Variants in NGFR observed in about 807,000 individuals in gnomAD.
The protein encoded by NGFR is nerve growth factor receptor, also known as tumor necrosis factor receptor superfamily member 16.
Under a neutral mutation model 43.2 loss-of-function variants are expected in NGFR, and 30 were observed. The observed-to-expected ratio is 0.69, with a 90% CI of 0.52 to 0.94. The LOEUF (loss-of-function observed/expected upper bound fraction) is 0.94, where lower values mean the gene tolerates loss of function less well. Ranked by LOEUF, NGFR falls within the 40% of genes least tolerant of loss-of-function variation. The pLI is 0.00. For missense variants in NGFR, 529 were observed against 602.5 expected, an observed-to-expected ratio of 0.88 and a Z score of 1.28; for synonymous variants, 246 against 259.6, an observed-to-expected ratio of 0.95 and a Z score of 0.50.
intron 1 of NGFR, 65 bp from the exon 2 acceptor site, chr17:49,501,998 G>T: frequency 2.0e-6 from 1 of 508,524 alleles, no homozygotes; most frequent in Non-Finnish European, 3.6e-6. Flanking sequence ...TTCCCCGGAA[G>T]AACCCCCCCC....
chr17:49,509,154 A>G (rs1004777359), intron 3 of NGFR, among the ~76,000 whole-genome samples: 2 of 152,188 alleles, frequency 1.3e-5, no homozygotes, highest in African/African-American at 4.8e-5. Flanking sequence ...TGGCAGCCAG[A>G]TGGATTCTAG....
At chr17:49,508,552 C>G (rs11466142) in intron 3 of NGFR, among the ~76,000 whole-genome samples, 3 of 152,172 alleles carry the variant, frequency 2.0e-5, no homozygotes, top group Admixed American at 6.5e-5. Flanking sequence ...ATACTTTCCC[C>G]GCATTTACTT....
chr17:49,500,301 G>A lies in NGFR; in HGVS notation c.67-1762G>A, dbSNP rs142804572. Reference sequence around the variant, plus strand: ...CTGGAATCTCGGCTAACCAACAGTCGCTCTCCCAGAGTTCTGGTTAATTGA... The same window carrying A: ...CTGGAATCTCGGCTAACCAACAGTCACTCTCCCAGAGTTCTGGTTAATTGA... On this transcript the variant is annotated intron_variant, in intron 1 of 5. Transcript: ENST00000172229. Among the ~76,000 whole-genome samples the A allele has an allele frequency of 2.9e-3, 447 of 152,230 alleles. 5 individuals carry two copies. The highest frequency in any genetic ancestry group is 0.01 in the African/African-American group (433 of 41,532).
intron 2 of NGFR, among the ~76,000 whole-genome samples, chr17:49,503,357 C>A (rs906875555): frequency 3.3e-5 from 5 of 152,192 alleles, no homozygotes; most frequent in African/African-American, 9.7e-5. Flanking sequence ...CTGATCGGTG[C>A]CCCCAGTCCT....
intron 2 of NGFR, chr17:49,506,073 G>T: frequency 1.3e-6 from 1 of 794,918 alleles, no homozygotes; most frequent in Non-Finnish European, 1.8e-6. Context: ...AGTGCTTCTG[G>T]AGCCTGGAGG....
chr17:49,501,999 A>ATGGGCCCCCCC, intron 1 of NGFR, 64 bp from the exon 2 acceptor site: 3 of 330,982 alleles, frequency 9.1e-6, no homozygotes, highest in African/African-American at 2.2e-5. Context: ...TCCCCGGAAG[A>ATGGGCCCCCCC]ACCCCCCCCA....
rs770178829 is a variant in NGFR, at chr17:49,511,857, C to T, written c.822-35C>T. On this transcript the variant is annotated intron_variant, in intron 4 of 5. Transcript: ENST00000172229. ...AGCTGCATCGGCCACTACAGCCCCT[C>T]GCCCCCTGAAACCTGGCCTGTCCTC... The T allele has an allele frequency of 1.7e-5, 27 of 1,543,096 alleles. No individual in the cohort carries two copies. The South Asian group carries it at 2.0e-4, about 11-fold the overall frequency.
chr17:49,509,963 G>C (rs952808400), intron 3 of NGFR, among the ~76,000 whole-genome samples: 1 of 152,156 alleles, frequency 6.6e-6, no homozygotes, highest in African/African-American at 2.4e-5. Flanking sequence ...GCTGGGGCCA[G>C]AGAGACATTT....
At chr17:49,502,814 T>TCC (rs1379785741) in intron 2 of NGFR, among the ~76,000 whole-genome samples, 17 of 142,914 alleles carry the variant, frequency 1.2e-4, no homozygotes, top group Middle Eastern at 3.5e-3. Context: ...TGCCTGGGAT[T>TCC]TCTTCCTTCC....
intron 1 of NGFR, among the ~76,000 whole-genome samples, chr17:49,499,724 A>T (rs898016367): frequency 1.3e-5 from 2 of 152,112 alleles, no homozygotes; most frequent in Middle Eastern, 3.2e-3. Flanking sequence ...AGTAGCTGAG[A>T]CTACAGGCGC....
chr17:49,506,422 A>G lies in NGFR; in HGVS notation c.332A>G (p.Tyr111Cys). The change falls in exon 3 of 6, where the codon TAC (tyrosine) becomes TGC (cysteine). Residue 111 changes from tyrosine to cysteine, a missense_variant. Transcript: ENST00000172229. ...GACGACGCCGTGTGCCGCTGCGCCTACGGCTACTACCAGGATGAGACGACT... is the reference window on the plus strand; with the variant it reads ...GACGACGCCGTGTGCCGCTGCGCCTGCGGCTACTACCAGGATGAGACGACT... Reference protein sequence around the residue: ...EADDAVCRCAYGYYQDETTGR... With the variant: ...EADDAVCRCACGYYQDETTGR... 7 of 1,606,132 alleles carry G rather than the reference A, an allele frequency of 4.4e-6. No homozygotes were observed. The South Asian group carries it at 4.4e-5, about 10-fold the overall frequency.
intron 1 of NGFR, chr17:49,497,679 C>T (rs1567737284): frequency 1.3e-5 from 2 of 152,372 alleles, no homozygotes; most frequent in Non-Finnish European, 2.9e-5. Context: ...AACCAGAGCG[C>T]GTCCCGGCGG....
rs2071238909 is a variant in NGFR at position 49,512,347 on chromosome 17, C to T, written c.982+295C>T. 6.6e-6 allele frequency among the ~76,000 whole-genome samples: 1 copy of T among 152,212 alleles called. No homozygotes were observed. Among genetic ancestry groups the T allele is most frequent in the Non-Finnish European group, 1.5e-5 (1 of 68,038 alleles). On this transcript the variant is annotated intron_variant, in intron 5 of 5. Coordinates refer to ENST00000172229, the MANE Select transcript of NGFR (RefSeq NM_002507.4). The surrounding 1 kb of genome is among the most constrained non-coding windows in gnomAD (Gnocchi z 5.2). Reference sequence around the variant, plus strand: ...GCTGCAATTAGCCTCTTGCCCTGGACTTCTGGGGAACAAGTAGTTAAGTGT... The same window carrying T: ...GCTGCAATTAGCCTCTTGCCCTGGATTTCTGGGGAACAAGTAGTTAAGTGT...
In NGFR at chr17:49,495,635, A is replaced by C; in HGVS notation, c.66+152A>C. 1 of 672,736 alleles carries C rather than the reference A, an allele frequency of 1.5e-6. No homozygotes were observed. The highest frequency in any genetic ancestry group is 4.4e-5 in the Admixed American group (1 of 22,956). 41.7% of individuals were successfully genotyped at this position (672,736 alleles called of 1,614,324 possible). A position where few individuals can be genotyped will look rare whatever the true frequency, so the allele number is the denominator to read the frequency against. On this transcript the variant is annotated intron_variant, in intron 1 of 5. Coordinates refer to ENST00000172229, the MANE Select transcript of NGFR (RefSeq NM_002507.4). The surrounding 1 kb of genome is among the most constrained non-coding windows in gnomAD (Gnocchi z 6.4). The stretch of plus-strand genomic sequence containing the variant: ...AAGGACCTCTGATGCCGGGACCACG[A>C]AGGAGGGTCTAGGGTTCCCGGAGCG...
In NGFR at chr17:49,510,451, A is replaced by T. The variant is rs1567740940; in HGVS notation, c.608A>T (p.Glu203Val). 6.2e-7 allele frequency: 1 copy of T among 1,614,012 alleles called. No individual in the cohort carries two copies. The change falls in exon 4 of 6, where the codon GAG (glutamate) becomes GTG (valine). Residue 203 changes from glutamate to valine, a missense_variant. By Grantham distance (121) the Glu-to-Val change is moderately radical. Transcript: ENST00000172229. ...GRWITRSTPPEGSDSTAPSTQ... is the reference protein window; with the variant it reads ...GRWITRSTPPVGSDSTAPSTQ... The stretch of plus-strand genomic sequence containing the variant: ...TGGATTACACGGTCCACACCCCCAG[A>T]GGGCTCGGACAGCACAGCCCCCAGC...
chr17:49,502,805 G>A (rs898677948), intron 2 of NGFR, among the ~76,000 whole-genome samples: 1 of 138,494 alleles, frequency 7.2e-6, no homozygotes, highest in Admixed American at 7.3e-5. Flanking sequence ...GCCCATTCCT[G>A]CCTGGGATTT....
chr17:49,495,310 G>T lies in NGFR; in HGVS notation c.-108G>T. On this transcript the variant is annotated 5_prime_UTR_variant, in exon 1 of 6. Transcript: ENST00000172229. The surrounding 1 kb of genome is among the most constrained non-coding windows in gnomAD (Gnocchi z 6.4). ...CCGCAGCCAGAGCGAGCCGAGCCGC[G>T]GCCAGCTCCGGCGGGCAGGGGGGGC... is the stretch of plus-strand genomic sequence containing the variant. The T allele has an allele frequency of 1.1e-6, 1 of 930,938 alleles. No individual in the cohort carries two copies. The highest frequency in any genetic ancestry group is 1.4e-6 in the Non-Finnish European group (1 of 715,320). 57.7% of individuals were successfully genotyped at this position (930,938 alleles called of 1,614,324 possible).
At chr17:49,496,438 C>A (rs2071138557) in intron 1 of NGFR, 1 of 152,258 alleles carries the variant, frequency 6.6e-6, no homozygotes, top group Non-Finnish European at 1.5e-5. Context: ...CGCAGCGGAT[C>A]GCGAGGGACG....
rs1597861987 is a variant in NGFR, at chr17:49,506,408, G to A, written c.318G>A (p.Val106=). 2.5e-6 allele frequency: 4 copies of A among 1,604,358 alleles called. No homozygotes were observed. In the East Asian group the frequency reaches 6.7e-5, roughly 27 times the overall value. The part of the protein sequence containing the change: ...SAPCVEADDA[V]CRCAYGYYQD... ...CGTGCGTGGAGGCCGACGACGCCGT[G>A]TGCCGCTGCGCCTACGGCTACTACC... Residue 106 remains valine, a synonymous_variant, in exon 3 of 6, where the codon GTG becomes GTA. Transcript: ENST00000172229.
Sources: gnomAD v4.1 joint callset for allele counts (sites outside exome capture counted in the v4.1 genomes callset) on GRCh38, gnomAD v4.1.1 for gene constraint, Gnocchi (gnomAD v3.1) non-coding constraint, MANE v1.5 for transcripts, NCBI Gene and HGNC (gene_info 2026-07-23, HGNC 2026-07-21) for gene names.